DPP10: variants seen among roughly 807,000 people sequenced by gnomAD.
The protein encoded by DPP10 is dipeptidyl peptidase like 10, also known as inactive dipeptidyl peptidase 10.
In DPP10, 33 loss-of-function variants were observed where a neutral mutation model predicts 120.9. That is an observed-to-expected ratio of 0.27 (90% CI 0.21 to 0.37). DPP10 has a LOEUF of 0.37. Among genes scored for constraint, DPP10 ranks in the 10% least tolerant of loss-of-function variants. The pLI, the probability that DPP10 is intolerant of heterozygous loss-of-function variation, is 1.00. For synonymous variants in DPP10, 337 were observed against 326.1 expected (o/e 1.03, Z -0.36); for missense variants, 816 against 942.8 (o/e 0.87, Z 1.76).
chr2:114,900,588 T>C (rs1368432193), intron 1 of DPP10, among the ~76,000 whole-genome samples: 2 of 152,234 alleles, frequency 1.3e-5, no homozygotes, highest in African/African-American at 2.4e-5. Context: ...ACATTCTGCA[T>C]ATAGTGTTTT....
chr2:114,695,691 C>A (rs1258839733), intron 1 of DPP10, among the ~76,000 whole-genome samples: 7 of 151,978 alleles, frequency 4.6e-5, no homozygotes, highest in Non-Finnish European at 2.9e-5. Flanking sequence ...AACAGCATTT[C>A]TCTGGTCTAA....
intron 1 of DPP10, among the ~76,000 whole-genome samples, chr2:114,670,658 C>T (rs948265057): frequency 1.3e-5 from 2 of 152,050 alleles, no homozygotes; most frequent in African/African-American, 2.4e-5. Context: ...TGTGCACATG[C>T]ACCCTAAAAC....
At chr2:114,755,895 G>T (rs1292754593) in intron 1 of DPP10, among the ~76,000 whole-genome samples, 1 of 148,990 alleles carries the variant, frequency 6.7e-6, no homozygotes, top group South Asian at 2.1e-4. Flanking sequence ...AATATTTATT[G>T]AGTATTTTCT....
rs201468464 is a variant in DPP10, at chr2:115,110,207, C to T, written c.61-199032C>T. ...CTAACTTTTTGGTGATCAACCATTT[C>T]ATAGTGATGACGAGGAAAGTCTAAA... On this transcript the variant is annotated intron_variant, in intron 1 of 25. Coordinates refer to ENST00000410059, the MANE Select transcript of DPP10 (RefSeq NM_020868.6). Among the ~76,000 whole-genome samples the T allele has an allele frequency of 5.9e-5, 9 of 152,234 alleles. No homozygotes were observed. In the East Asian group the frequency reaches 1.7e-3, roughly 29 times the overall value.
intron 5 of DPP10, among the ~76,000 whole-genome samples, chr2:115,526,824 A>C (rs2078160953): frequency 6.6e-6 from 1 of 152,120 alleles, no homozygotes; most frequent in Non-Finnish European, 1.5e-5. Context: ...GTCTTTTGGA[A>C]TATACATGTG....
intron 1 of DPP10, among the ~76,000 whole-genome samples, chr2:115,268,759 A>G (rs1321833853): frequency 1.3e-5 from 2 of 152,212 alleles, no homozygotes; most frequent in African/African-American, 4.8e-5. Flanking sequence ...TCTTCTGGTA[A>G]CTTCTTTAGA....
intron 1 of DPP10, among the ~76,000 whole-genome samples, chr2:114,881,483 C>CA (rs755324873): frequency 0.014 from 1,640 of 118,420 alleles, 35 homozygotes; most frequent in African/African-American, 0.046. Context: ...ATCTATCTAT[C>CA]TATCTATCAT....
At chr2:115,724,826 AC>A (rs1214807764) in intron 7 of DPP10, among the ~76,000 whole-genome samples, 4 of 152,286 alleles carry the variant, frequency 2.6e-5, no homozygotes, top group East Asian at 3.9e-4. Context: ...ACTGGTGTTT[AC>A]TCATGGCAGA....
chr2:115,604,591 T>G (rs186376976), intron 5 of DPP10, among the ~76,000 whole-genome samples: 13 of 152,272 alleles, frequency 8.5e-5, no homozygotes, highest in African/African-American at 3.1e-4. Flanking sequence ...CAAGAAACTG[T>G]CACTCAGATT....
chr2:115,644,337 G>A (rs941673680), intron 5 of DPP10, among the ~76,000 whole-genome samples: 24 of 151,878 alleles, frequency 1.6e-4, no homozygotes, highest in African/African-American at 4.8e-4. Flanking sequence ...AACAGGCCCC[G>A]GTGTGTGATG....
intron 2 of DPP10, among the ~76,000 whole-genome samples, chr2:115,312,923 C>G (rs1431297070): frequency 6.6e-6 from 1 of 152,122 alleles, no homozygotes; most frequent in Non-Finnish European, 1.5e-5. Flanking sequence ...AACAACTCTT[C>G]CAATAAGAGT....
chr2:115,767,451 C>T (rs1459462115), intron 12 of DPP10, among the ~76,000 whole-genome samples: 1 of 137,320 alleles, frequency 7.3e-6, no homozygotes, highest in Non-Finnish European at 1.6e-5. Flanking sequence ...AGAGCAGTAT[C>T]TCTCTCTCTC....
At chr2:115,450,422 G>A (rs1368882924) in intron 3 of DPP10, among the ~76,000 whole-genome samples, 1 of 151,964 alleles carries the variant, frequency 6.6e-6, no homozygotes, top group Non-Finnish European at 1.5e-5. Context: ...TACCTGCAGA[G>A]AATCATCTGG....
chr2:115,565,768 TG>T (rs1274139267), intron 5 of DPP10, among the ~76,000 whole-genome samples: 8 of 73,810 alleles, frequency 1.1e-4, no homozygotes, highest in Admixed American at 2.4e-4. Flanking sequence ...TTGTTTGTTT[TG>T]TTTTTTTTTG....
chr2:114,974,418 T>A (rs1465623857), intron 1 of DPP10, among the ~76,000 whole-genome samples: 2 of 29,854 alleles, frequency 6.7e-5, no homozygotes, highest in Admixed American at 3.5e-4. Context: ...CTTTTTATCC[T>A]TTTTTTTTTT....
intron 1 of DPP10, among the ~76,000 whole-genome samples, chr2:115,110,046 C>G (rs920715684): frequency 6.6e-6 from 1 of 152,172 alleles, no homozygotes; most frequent in African/African-American, 2.4e-5. Flanking sequence ...TATCAAAGAA[C>G]TTGTGAGGAT....
chr2:114,823,896 TC>T (rs1229486368), intron 1 of DPP10, among the ~76,000 whole-genome samples: 1 of 152,128 alleles, frequency 6.6e-6, no homozygotes, highest in African/African-American at 2.4e-5. Flanking sequence ...TCACAAAAAC[TC>T]AGTCTCTAAG....
At chr2:115,548,394 AAAAT>A (rs1553446106) in intron 5 of DPP10, among the ~76,000 whole-genome samples, 88 of 152,254 alleles carry the variant, frequency 5.8e-4, no homozygotes, top group East Asian at 4.8e-3. Flanking sequence ...CATTATGCTA[AAAAT>A]ACATGCATGG....
At chr2:114,536,449 C>T (rs1480402742) in intron 1 of DPP10, among the ~76,000 whole-genome samples, 1 of 149,548 alleles carries the variant, frequency 6.7e-6, no homozygotes, top group Non-Finnish European at 1.5e-5. Flanking sequence ...TCTGTCACCC[C>T]GGCTGGAGTG....
Sources: gnomAD v4.1 joint callset for allele counts (sites outside exome capture counted in the v4.1 genomes callset) on GRCh38, gnomAD v4.1.1 for gene constraint, MANE v1.5 for transcripts, NCBI Gene and HGNC (gene_info 2026-07-23, HGNC 2026-07-21) for gene names.